The following CDH6 variants were observed in gnomAD, a reference collection of about 807,000 sequenced individuals.
CDH6 encodes cadherin 6.
CDH6 carries 31 observed loss-of-function variants against 78.0 expected under a neutral mutation model. The observed-to-expected ratio is 0.40, with a 90% CI of 0.30 to 0.54. The LOEUF (loss-of-function observed/expected upper bound fraction) is 0.54. Among genes scored for constraint, CDH6 ranks in the 20% least tolerant of loss-of-function variants. The pLI, the probability that CDH6 is intolerant of heterozygous loss-of-function variation, is 0.56. For missense variants in CDH6, 724 were observed against 975.9 expected, an observed-to-expected ratio of 0.74 and a Z score of 3.44; for synonymous variants, 376 against 368.8, an observed-to-expected ratio of 1.02 and a Z score of -0.23.
chr5:31,235,384 ATGT>A (rs1293266410), intron 1 of CDH6, among the ~76,000 whole-genome samples: 1 of 151,978 alleles, frequency 6.6e-6, no homozygotes, highest in Non-Finnish European at 1.5e-5. Context: ...CCATAAGAAA[ATGT>A]TGTTTTGTGA....
At chr5:31,270,386 CAAAA>C (rs1023586819) in intron 2 of CDH6, among the ~76,000 whole-genome samples, 1 of 152,074 alleles carries the variant, frequency 6.6e-6, no homozygotes, top group African/African-American at 2.4e-5. Context: ...CGTAAATTGA[CAAAA>C]AAAATTATTT....
At chr5:31,307,224 T>A (rs1191116080) in intron 7 of CDH6, among the ~76,000 whole-genome samples, 2 of 152,212 alleles carry the variant, frequency 1.3e-5, no homozygotes, top group African/African-American at 4.8e-5. Flanking sequence ...AAGAGTTAAC[T>A]AATCTAAAAC....
intron 1 of CDH6, among the ~76,000 whole-genome samples, chr5:31,241,497 G>A (rs1041744806): frequency 6.6e-6 from 1 of 152,256 alleles, no homozygotes; most frequent in African/African-American, 2.4e-5. Flanking sequence ...ATTAGTTGGG[G>A]TAATGCCAGC....
intron 6 of CDH6, among the ~76,000 whole-genome samples, chr5:31,302,939 G>GAAAAA: frequency 7.7e-6 from 1 of 129,716 alleles, no homozygotes; most frequent in East Asian, 2.3e-4. Flanking sequence ...AAGAAAGAAA[G>GAAAAA]AAAGAAAGAA....
intron 2 of CDH6, among the ~76,000 whole-genome samples, chr5:31,278,637 C>CTGAGA (rs1254026579): frequency 6.6e-6 from 1 of 152,094 alleles, no homozygotes; most frequent in Non-Finnish European, 1.5e-5. Context: ...CATTTAAAAC[C>CTGAGA]TGAGATTGTT....
intron 1 of CDH6, among the ~76,000 whole-genome samples, chr5:31,242,719 A>G (rs1741640480): frequency 1.3e-5 from 2 of 151,532 alleles, no homozygotes; most frequent in South Asian, 2.1e-4. Flanking sequence ...GGCGGTTAGA[A>G]GAAAATATAT....
chr5:31,313,275 A>G, intron 7 of CDH6, 43 bp from the exon 8 acceptor site: 1 of 1,552,890 alleles, frequency 6.4e-7, no homozygotes, highest in Non-Finnish European at 8.8e-7. Context: ...GAGAATAGGA[A>G]ATAGAAAGAA....
intron 1 of CDH6, among the ~76,000 whole-genome samples, chr5:31,211,157 A>C (rs1281567296): frequency 1.3e-5 from 2 of 152,196 alleles, no homozygotes; most frequent in East Asian, 1.9e-4. Flanking sequence ...CATTTTTTTC[A>C]TCTAGGGATT....
intron 1 of CDH6, among the ~76,000 whole-genome samples, chr5:31,230,038 G>A (rs564241337): frequency 2.0e-5 from 3 of 152,188 alleles, no homozygotes; most frequent in East Asian, 1.9e-4. Flanking sequence ...CCACTGTGGC[G>A]TGTCTGAACA....
At chr5:31,302,903 A>AAAAGAAAAAGAAAGAAAG (rs1554010013) in intron 6 of CDH6, among the ~76,000 whole-genome samples, 12 of 90,458 alleles carry the variant, frequency 1.3e-4, no homozygotes, top group African/African-American at 3.4e-4. Flanking sequence ...AAGAAAGAAA[A>AAAAGAAAAAGAAAGAAAG]AAAGAAAGAA....
chr5:31,305,102 GT>G, intron 6 of CDH6, 71 bp from the exon 7 acceptor site: 2 of 1,482,398 alleles, frequency 1.3e-6, no homozygotes, highest in Non-Finnish European at 1.8e-6. Context: ...CACCAAAAAT[GT>G]TTCGTGTCTT....
chr5:31,238,721 T>C (rs1741519267), intron 1 of CDH6, among the ~76,000 whole-genome samples: 1 of 152,232 alleles, frequency 6.6e-6, no homozygotes, highest in Admixed American at 6.5e-5. Flanking sequence ...GTTTTGCACA[T>C]CTCAGTTCAG....
chr5:31,289,695 G>A (rs1477815830), intron 2 of CDH6, among the ~76,000 whole-genome samples: 1 of 152,198 alleles, frequency 6.6e-6, no homozygotes, highest in African/African-American at 2.4e-5. Context: ...TTTGGTCACT[G>A]ACTCAGATGG....
At chr5:31,261,567 A>G (rs950923789) in intron 1 of CDH6, among the ~76,000 whole-genome samples, 1 of 152,206 alleles carries the variant, frequency 6.6e-6, no homozygotes, top group Admixed American at 6.5e-5. Flanking sequence ...TTCTCTTACT[A>G]TGGTAACTGG....
chr5:31,321,620 T>C (rs981677932), intron 11 of CDH6, among the ~76,000 whole-genome samples: 14 of 152,160 alleles, frequency 9.2e-5, no homozygotes, highest in African/African-American at 3.4e-4. Context: ...TTATTAATAC[T>C]AATGAAATTT....
intron 7 of CDH6, among the ~76,000 whole-genome samples, chr5:31,310,973 T>G (rs1181109578): frequency 6.6e-6 from 1 of 152,212 alleles, no homozygotes; most frequent in African/African-American, 2.4e-5. Context: ...GGAGACATTT[T>G]CCCCCTTGTC....
intron 1 of CDH6, among the ~76,000 whole-genome samples, chr5:31,229,238 G>A (rs1460828073): frequency 1.3e-5 from 2 of 152,220 alleles, no homozygotes; most frequent in African/African-American, 4.8e-5. Flanking sequence ...AACAAAGACT[G>A]CAAGCCTACT....
chr5:31,270,652 G>C (rs879323441), intron 2 of CDH6, among the ~76,000 whole-genome samples: 3 of 152,038 alleles, frequency 2.0e-5, no homozygotes, highest in African/African-American at 4.8e-5. Flanking sequence ...CAGAGGTCAC[G>C]TGCTGCTTAT....
chr5:31,322,701 T>C (rs1205891199), intron 11 of CDH6, 117 bp from the exon 12 acceptor site: 2 of 1,205,636 alleles, frequency 1.7e-6, no homozygotes, highest in Middle Eastern at 2.1e-4. Flanking sequence ...AAAAGTTGAG[T>C]CTGCATTTTC....
Sources: allele counts gnomAD v4.1 joint callset (sites outside exome capture counted in the v4.1 genomes callset), GRCh38; gene constraint gnomAD v4.1.1; transcripts MANE v1.5; gene names NCBI Gene and HGNC (gene_info 2026-07-23, HGNC 2026-07-21).